Variants in EIF1AD observed in about 807,000 individuals in gnomAD.
The protein encoded by EIF1AD is eukaryotic translation initiation factor 1A domain containing.
Under a neutral mutation model 21.7 loss-of-function variants are expected in EIF1AD, and 9 were observed. The ratio of observed to expected loss-of-function variants is 0.41; its 90% confidence interval spans 0.25 to 0.72. The LOEUF (loss-of-function observed/expected upper bound fraction) is 0.72. Ranked by LOEUF, EIF1AD falls within the 30% of genes least tolerant of loss-of-function variation. The probability of loss-of-function intolerance (pLI) is 0.29; values close to 1 mark genes in which losing one functional copy is unlikely to be tolerated. For missense variants in EIF1AD, 164 were observed against 199.7 expected, an observed-to-expected ratio of 0.82 and a Z score of 1.08; for synonymous variants, 78 against 70.9, an observed-to-expected ratio of 1.10 and a Z score of -0.50.
At chr11:66,001,320 A>G (rs1855950984) in intron 1 of EIF1AD, among the ~76,000 whole-genome samples, 2 of 151,980 alleles carry the variant, frequency 1.3e-5, no homozygotes, top group African/African-American at 2.4e-5. Context: ...AAAATACAAA[A>G]AATTAGCCGG....
chr11:65,998,798 C>T, intron 5 of EIF1AD, 55 bp from the exon 6 acceptor site: 1 of 1,592,310 alleles, frequency 6.3e-7, no homozygotes, highest in Non-Finnish European at 8.6e-7. Context: ...AAAATAATAT[C>T]TACAATCAAG....
At chr11:66,000,202 T>A (rs1855891065) in intron 2 of EIF1AD, 41 bp from the exon 3 acceptor site, 1 of 1,606,940 alleles carries the variant, frequency 6.2e-7, no homozygotes, top group Admixed American at 1.7e-5. Context: ...ATCAGTCAGA[T>A]CAAACACCCT....
Position 66,000,333 on chromosome 11 carries a change from T to C in EIF1AD, c.57A>G (p.Ile19Met). ...CAATCTGCTGCTGGTCGGAGGGCAC[T>C]ATGTGCTCCCCTAGCACCTCCTTCA... ...HVVKEVLGEH[I>M]VPSDQQQIVR... Residue 19 changes from isoleucine (I) to methionine (M), a missense_variant, in exon 2 of 6, where the codon ATA becomes ATG. Coordinates refer to ENST00000533544, the MANE Select transcript of EIF1AD (RefSeq NM_001242481.2). 1.9e-6 allele frequency: 3 copies of C among 1,613,476 alleles called. No homozygotes were observed. The highest frequency in any genetic ancestry group is 2.5e-6 in the Non-Finnish European group (3 of 1,179,702).
At chr11:66,001,370 G>A (rs1855954760) in intron 1 of EIF1AD, among the ~76,000 whole-genome samples, 1 of 151,094 alleles carries the variant, frequency 6.6e-6, no homozygotes, top group Admixed American at 6.6e-5. Flanking sequence ...TACCCGGGAG[G>A]CTGAGGCAGG....
Position 65,999,662 on chromosome 11 carries a change from A to G in EIF1AD, c.210T>C (p.Ile70=). 6.2e-7 allele frequency: 1 copy of G among 1,613,658 alleles called. No individual in the cohort carries two copies. Among genetic ancestry groups the G allele is most frequent in the East Asian group, 2.2e-5 (1 of 44,884 alleles). ...TTTCTCCCTCTTCAATGGGGTCAAC[A>G]ATGAGAAAGTCCCCTGTAGATAAGA... is the stretch of plus-strand genomic sequence containing the variant. ...NIWIKRGDFL[I]VDPIEEGEKV... is the part of the protein sequence containing the mutation. Residue 70 remains isoleucine, a synonymous_variant, in exon 4 of 6, where the codon ATT becomes ATC. Transcript: ENST00000533544.
chr11:65,999,296 C>CA, intron 5 of EIF1AD, 54 bp downstream of exon 5: 1 of 1,612,642 alleles, frequency 6.2e-7, no homozygotes, highest in South Asian at 1.1e-5. Context: ...CTCAAGGCAC[C>CA]AAAGCATGAA....
In EIF1AD at chr11:66,001,963, C is replaced by G. The variant is rs1018208734; in HGVS notation, c.-170G>C. 3.3e-5 allele frequency: 5 copies of G among 152,240 alleles called. No individual in the cohort carries two copies. Among genetic ancestry groups the G allele is most frequent in the Admixed American group, 2.6e-4 (4 of 15,280 alleles). The allele number at this position is 152,240 out of a possible 1,614,324, so 9.4% of individuals were successfully genotyped here. A position where few individuals can be genotyped will look rare whatever the true frequency, so the allele number is the denominator to read the frequency against. ...AACGCTGCCGGAGCAACACCGCCGT[C>G]TAGGCTGGACGCTGAGAGAGGATCG... On this transcript the variant is annotated 5_prime_UTR_variant, in exon 1 of 6. Transcript: ENST00000533544.
chr11:65,998,008 G>C lies in EIF1AD; in HGVS notation c.*591C>G, dbSNP rs188324805. The C allele has an allele frequency of 6.5e-6, 1 of 152,830 alleles. No homozygotes were observed. The highest frequency in any genetic ancestry group is 6.5e-5 in the Admixed American group (1 of 15,324). The allele number at this position is 152,830 out of a possible 1,614,324, so 9.5% of individuals were successfully genotyped here. On this transcript the variant is annotated 3_prime_UTR_variant, in exon 6 of 6. Coordinates refer to ENST00000533544, the MANE Select transcript of EIF1AD (RefSeq NM_001242481.2). ...GTGATAGATGGTGCAGAGTGGGAGA[G>C]ATGAGGTCGTATGTGGGGATGGACA...
intron 3 of EIF1AD, 180 bp downstream of exon 3, chr11:65,999,873 C>T: frequency 1.5e-6 from 1 of 645,844 alleles, no homozygotes; most frequent in East Asian, 2.7e-5. Flanking sequence ...GCCTCCACCT[C>T]CCAGGCTCAA....
chr11:66,000,634 T>A (rs545479258), intron 1 of EIF1AD, 129 bp from the exon 2 acceptor site: 2 of 521,900 alleles, frequency 3.8e-6, no homozygotes, highest in Admixed American at 6.3e-5. Flanking sequence ...AACAGCTAAC[T>A]CAGCACTGTT....
chr11:66,000,029 G>T, intron 3 of EIF1AD, 24 bp downstream of exon 3: 1 of 1,571,422 alleles, frequency 6.4e-7, no homozygotes, highest in East Asian at 2.2e-5. Flanking sequence ...CAAAGTGCCA[G>T]GATTACAGGA....
In EIF1AD at chr11:65,998,246, C is replaced by T. The variant is rs932657249; in HGVS notation, c.*353G>A. 1 of 179,726 alleles carries T rather than the reference C, an allele frequency of 5.6e-6. No individual in the cohort carries two copies. The highest frequency in any genetic ancestry group is 2.4e-5 in the African/African-American group (1 of 42,058). The allele number at this position is 179,726 out of a possible 1,614,324, so 11.1% of individuals were successfully genotyped here. ...TAAACACATGCAAGAAGGCCCAGAGCACGGCCTGGCACTTTCTAAGTGCCC... is the reference window on the plus strand; with the variant it reads ...TAAACACATGCAAGAAGGCCCAGAGTACGGCCTGGCACTTTCTAAGTGCCC... On this transcript the variant is annotated 3_prime_UTR_variant, in exon 6 of 6. Coordinates refer to ENST00000533544, the MANE Select transcript of EIF1AD (RefSeq NM_001242481.2).
rs1487758937 is a variant in EIF1AD at position 65,996,786 on chromosome 11, C to T, written c.*1813G>A. Reference sequence around the variant, plus strand: ...CGACACTAACACATCACATCCATAACATATCACATCCAATAGACAGGACAG... The same window carrying T: ...CGACACTAACACATCACATCCATAATATATCACATCCAATAGACAGGACAG... On this transcript the variant is annotated 3_prime_UTR_variant, in exon 6 of 6. Transcript: ENST00000533544. The T allele has an allele frequency of 1.3e-5, 2 of 152,162 alleles. No homozygotes were observed. Among genetic ancestry groups the T allele is most frequent in the Non-Finnish European group, 2.9e-5 (2 of 68,054 alleles). 9.4% of individuals were successfully genotyped at this position (152,162 alleles called of 1,614,324 possible). A position where few individuals can be genotyped will look rare whatever the true frequency, so the allele number is the denominator to read the frequency against.
intron 1 of EIF1AD, among the ~76,000 whole-genome samples, chr11:66,001,343 G>T (rs117619207): frequency 0.052 from 7,957 of 151,848 alleles, 348 homozygotes; most frequent in East Asian, 0.15. Flanking sequence ...GTGATGACGA[G>T]CGCCTGTAGT....
intron 1 of EIF1AD, 45 bp from the exon 2 acceptor site, chr11:66,000,550 G>A: frequency 3.1e-6 from 2 of 652,292 alleles, no homozygotes; most frequent in Admixed American, 2.8e-5. Context: ...GGGTTCTGAA[G>A]TCTAACTGCC....
In EIF1AD at chr11:65,999,574, C is replaced by T; in HGVS notation, c.298G>A (p.Gly100Arg). Residue 100 changes from glycine (G) to arginine (R), a missense_variant, in exon 4 of 6, where the codon GGG becomes AGG. Coordinates refer to ENST00000533544, the MANE Select transcript of EIF1AD (RefSeq NM_001242481.2). ...KDHVRSLQKEGFWPEAFSEVA... is the reference protein window; with the variant it reads ...KDHVRSLQKERFWPEAFSEVA... Reference sequence around the variant, plus strand: ...ATCAAGGGGACCACCTACCAAAACCCCTCCTTCTGCAGAGAGCGCACGTGG... The same window carrying T: ...ATCAAGGGGACCACCTACCAAAACCTCTCCTTCTGCAGAGAGCGCACGTGG... 1 of 1,613,206 alleles carries T rather than the reference C, an allele frequency of 6.2e-7. No homozygotes were observed. The highest frequency in any genetic ancestry group is 8.5e-7 in the Non-Finnish European group (1 of 1,179,496).
chr11:66,001,643 C>T (rs1039034730), intron 1 of EIF1AD, among the ~76,000 whole-genome samples: 1 of 152,116 alleles, frequency 6.6e-6, no homozygotes, highest in Non-Finnish European at 1.5e-5. Context: ...AGTCACACAA[C>T]AGAGAAGTTC....
chr11:66,000,509 A>G lies in EIF1AD; in HGVS notation c.-116-4T>C. On this transcript the variant is annotated splice_region_variant and splice_polypyrimidine_tract_variant and intron_variant, in intron 1 of 5. Coordinates refer to ENST00000533544, the MANE Select transcript of EIF1AD (RefSeq NM_001242481.2). ...GAAGATGGGGAGGGGCCTTTTACTG[A>G]GGGGTGACACGGTGTCTTGGTTAAG... 1.1e-6 allele frequency: 1 copy of G among 910,422 alleles called. No homozygotes were observed. Among genetic ancestry groups the G allele is most frequent in the Non-Finnish European group, 1.7e-6 (1 of 584,466 alleles). 56.4% of individuals were successfully genotyped at this position (910,422 alleles called of 1,614,324 possible). A position where few individuals can be genotyped will look rare whatever the true frequency, so the allele number is the denominator to read the frequency against.
chr11:66,000,731 G>A lies in EIF1AD; in HGVS notation c.-116-226C>T, dbSNP rs561464522. On this transcript the variant is annotated intron_variant, in intron 1 of 5. Coordinates refer to ENST00000533544, the MANE Select transcript of EIF1AD (RefSeq NM_001242481.2). The stretch of plus-strand genomic sequence containing the variant: ...CTTTTCCCTAGTTTATAAGACAGGA[G>A]AAAAGGGAGAAAGCAAAAAGTTGGA... The A allele has an allele frequency of 4.0e-5, 8 of 202,496 alleles. No individual in the cohort carries two copies. The South Asian group carries it at 7.6e-4, about 19-fold the overall frequency. The allele number at this position is 202,496 out of a possible 1,614,324, so 12.5% of individuals were successfully genotyped here. A position where few individuals can be genotyped will look rare whatever the true frequency, so the allele number is the denominator to read the frequency against.
Sources: allele counts gnomAD v4.1 joint callset (sites outside exome capture counted in the v4.1 genomes callset), GRCh38; gene constraint gnomAD v4.1.1; transcripts MANE v1.5; gene names NCBI Gene and HGNC (gene_info 2026-07-23, HGNC 2026-07-21).